GABRB2: variants seen among roughly 807,000 people sequenced by gnomAD.
GABRB2 encodes gamma-aminobutyric acid type A receptor subunit beta2.
GABRB2 carries 16 observed loss-of-function variants against 54.7 expected under a neutral mutation model. That is an observed-to-expected ratio of 0.29 (90% CI 0.20 to 0.44). The LOEUF (loss-of-function observed/expected upper bound fraction) is 0.44. Among genes scored for constraint, GABRB2 ranks in the 20% least tolerant of loss-of-function variants. GABRB2 has a pLI of 1.00. For synonymous variants in GABRB2, 244 were observed against 233.8 expected, an observed-to-expected ratio of 1.04 and a Z score of -0.40; for missense variants, 355 against 644.0, an observed-to-expected ratio of 0.55 and a Z score of 4.86.
intron 5 of GABRB2, among the ~76,000 whole-genome samples, chr5:161,361,151 A>G (rs1754798754): frequency 6.6e-6 from 1 of 152,142 alleles, no homozygotes; most frequent in African/African-American, 2.4e-5. Context: ...GAAGGAGGCA[A>G]GAAATGAGAG....
intron 3 of GABRB2, among the ~76,000 whole-genome samples, chr5:161,481,409 C>T (rs1213481381): frequency 1.3e-5 from 2 of 151,970 alleles, no homozygotes; most frequent in South Asian, 2.1e-4. Context: ...AAGAAATTGC[C>T]GTAGACAGAG....
chr5:161,476,145 G>T (rs1004333586), intron 3 of GABRB2, among the ~76,000 whole-genome samples: 1 of 151,754 alleles, frequency 6.6e-6, no homozygotes, highest in African/African-American at 2.4e-5. Flanking sequence ...ATAAACTAAC[G>T]ATGAGAAATA....
intron 3 of GABRB2, among the ~76,000 whole-genome samples, chr5:161,516,613 T>C (rs960984029): frequency 6.6e-6 from 1 of 152,216 alleles, no homozygotes; most frequent in African/African-American, 2.4e-5. Context: ...ACATTCCCTA[T>C]ATATTTGCTG....
intron 4 of GABRB2, among the ~76,000 whole-genome samples, chr5:161,449,107 T>A (rs1379904320): frequency 6.6e-6 from 1 of 152,184 alleles, no homozygotes; most frequent in Non-Finnish European, 1.5e-5. Context: ...GTACCTGCTT[T>A]CTCAAGAGTC....
At chr5:161,393,258 A>T (rs1353206506) in intron 5 of GABRB2, among the ~76,000 whole-genome samples, 1 of 145,988 alleles carries the variant, frequency 6.8e-6, no homozygotes, top group Non-Finnish European at 1.5e-5. Context: ...CTAAGGTATA[A>T]GATTTCTTTA....
chr5:161,504,388 T>C (rs1358554919), intron 3 of GABRB2, among the ~76,000 whole-genome samples: 1 of 152,188 alleles, frequency 6.6e-6, no homozygotes, highest in Non-Finnish European at 1.5e-5. Context: ...TAGATTTTCA[T>C]ATCAATGACA....
At chr5:161,504,740 G>T (rs1448788323) in intron 3 of GABRB2, among the ~76,000 whole-genome samples, 7 of 125,780 alleles carry the variant, frequency 5.6e-5, no homozygotes, top group African/African-American at 1.8e-4. Flanking sequence ...AAATCAATAA[G>T]ACTAATATCT....
At chr5:161,323,858 T>C (rs1026229789) in intron 9 of GABRB2, among the ~76,000 whole-genome samples, 1 of 152,224 alleles carries the variant, frequency 6.6e-6, no homozygotes, top group African/African-American at 2.4e-5. Flanking sequence ...GTATGTAAAC[T>C]ATCATAGAAC....
chr5:161,495,726 G>A (rs1419119624), intron 3 of GABRB2, among the ~76,000 whole-genome samples: 1 of 151,972 alleles, frequency 6.6e-6, no homozygotes, highest in South Asian at 2.1e-4. Context: ...ATAAAGTCAG[G>A]GGCAACTCCA....
chr5:161,464,078 A>G (rs1758207749), intron 3 of GABRB2, among the ~76,000 whole-genome samples: 1 of 152,082 alleles, frequency 6.6e-6, no homozygotes, highest in African/African-American at 2.4e-5. Flanking sequence ...ATAAGCAATA[A>G]AACAAAAAAA....
intron 5 of GABRB2, among the ~76,000 whole-genome samples, chr5:161,408,304 A>T (rs1377314453): frequency 1.3e-5 from 2 of 152,068 alleles, no homozygotes; most frequent in Non-Finnish European, 2.9e-5. Flanking sequence ...AATCTGAAAC[A>T]ATCTGAAATT....
rs370844935 is a variant in GABRB2, at chr5:161,487,043, C to T, written c.238-27199G>A. 2.0e-5 allele frequency among the ~76,000 whole-genome samples: 3 copies of T among 152,070 alleles called. No individual in the cohort carries two copies. The South Asian group carries it at 6.2e-4, about 32-fold the overall frequency. ...AAATTACAAGTTCCTTATTCCATAG[C>T]TTGTCTTCATGCTGCCCAGAAGAAC... On this transcript the variant is annotated intron_variant, in intron 3 of 9. Transcript: ENST00000393959.
At chr5:161,378,300 A>G (rs997714169) in intron 5 of GABRB2, among the ~76,000 whole-genome samples, 3 of 152,286 alleles carry the variant, frequency 2.0e-5, no homozygotes, top group East Asian at 3.9e-4. Flanking sequence ...ATGTTCAACA[A>G]GAGTTGCTCC....
intron 5 of GABRB2, among the ~76,000 whole-genome samples, chr5:161,391,206 T>C (rs1248986556): frequency 6.6e-6 from 1 of 152,200 alleles, no homozygotes; most frequent in Non-Finnish European, 1.5e-5. Flanking sequence ...ATTCCCCAGT[T>C]TTCCCATTTC....
intron 3 of GABRB2, among the ~76,000 whole-genome samples, chr5:161,469,712 CATACACATACACATACA>C (rs1758384832): frequency 1.4e-5 from 2 of 147,278 alleles, no homozygotes; most frequent in African/African-American, 4.9e-5. Flanking sequence ...TACACATACA[CATACACATACACATACA>C]CATACAGCTG....
intron 9 of GABRB2, among the ~76,000 whole-genome samples, chr5:161,305,308 GC>G (rs1401732952): frequency 2.6e-5 from 4 of 152,114 alleles, no homozygotes; most frequent in African/African-American, 9.7e-5. Flanking sequence ...GAGCCACCAC[GC>G]CCGGCCGATA....
chr5:161,497,554 G>GTT (rs1554104520), intron 3 of GABRB2, among the ~76,000 whole-genome samples: 1 of 151,684 alleles, frequency 6.6e-6, no homozygotes, highest in African/African-American at 2.4e-5. Context: ...GTGTGTGTGT[G>GTT]TGTGTTTTAT....
chr5:161,355,392 C>T (rs1754589485), intron 5 of GABRB2, among the ~76,000 whole-genome samples: 1 of 149,316 alleles, frequency 6.7e-6, no homozygotes, highest in Non-Finnish European at 1.5e-5. Flanking sequence ...GTCATAACAA[C>T]TGTCACAGTT....
In GABRB2 at chr5:161,468,748, C is replaced by A. The variant is rs911463374; in HGVS notation, c.238-8904G>T. 4.6e-5 allele frequency among the ~76,000 whole-genome samples: 7 copies of A among 151,894 alleles called. No homozygotes were observed. In the East Asian group the frequency reaches 1.2e-3, roughly 25 times the overall value. On this transcript the variant is annotated intron_variant, in intron 3 of 9. Transcript: ENST00000393959. ...CTTAGAACATAGTAGCAATAAAAAA[C>A]CCCCCAAATTATTAAAAGATATGAA...
Sources: gnomAD v4.1 joint callset for allele counts (sites outside exome capture counted in the v4.1 genomes callset) on GRCh38, gnomAD v4.1.1 for gene constraint, MANE v1.5 for transcripts, NCBI Gene and HGNC (gene_info 2026-07-23, HGNC 2026-07-21) for gene names.